The following TMEM184B variants were observed in gnomAD, a reference collection of about 807,000 sequenced individuals.
TMEM184B encodes transmembrane protein 184B, also known as putative MAPK-activating protein FM08.
A neutral mutation model predicts 41.8 loss-of-function variants in TMEM184B; 17 were observed. The observed-to-expected ratio is 0.41, with a 90% CI of 0.28 to 0.61. The LOEUF is 0.61. TMEM184B is among the 20% of genes least tolerant of loss of function. The probability of loss-of-function intolerance (pLI) is 0.34; values close to 1 mark genes in which losing one functional copy is unlikely to be tolerated. For synonymous variants in TMEM184B, 240 were observed against 229.5 expected, an observed-to-expected ratio of 1.05 and a Z score of -0.41; for missense variants, 393 against 557.8, an observed-to-expected ratio of 0.70 and a Z score of 2.98.
At chr22:38,227,618 T>C (rs1602377058) in intron 5 of TMEM184B, among the ~76,000 whole-genome samples, 1 of 152,266 alleles carries the variant, frequency 6.6e-6, no homozygotes, top group East Asian at 1.9e-4. Flanking sequence ...CCAGAGCACG[T>C]GGACTCCAGA....
intron 3 of TMEM184B, 168 bp from the exon 4 acceptor site, chr22:38,231,502 A>G (rs1205429709): frequency 1.4e-6 from 1 of 720,444 alleles, no homozygotes; most frequent in Non-Finnish European, 2.6e-6. Flanking sequence ...GAACACAGAC[A>G]TCTGACCTCC....
At chr22:38,271,994 C>T (rs2092530815) in intron 1 of TMEM184B, among the ~76,000 whole-genome samples, 1 of 152,240 alleles carries the variant, frequency 6.6e-6, no homozygotes, top group African/African-American at 2.4e-5. Context: ...GCACAGATTG[C>T]TGCTTCTTTC....
intron 2 of TMEM184B, chr22:38,246,874 C>A (rs1198793874): frequency 7.7e-7 from 1 of 1,302,916 alleles, no homozygotes; most frequent in South Asian, 1.2e-5. Flanking sequence ...CTTGGCCCAG[C>A]CGAGCCCTGG....
intron 3 of TMEM184B, among the ~76,000 whole-genome samples, chr22:38,237,951 G>A (rs773361595): frequency 4.0e-5 from 6 of 151,032 alleles, no homozygotes; most frequent in Admixed American, 1.3e-4. Flanking sequence ...ACAGGCATGC[G>A]CCACACGCCT....
intron 8 of TMEM184B, chr22:38,221,939 A>T (rs1395152175): frequency 1.3e-5 from 8 of 628,826 alleles, no homozygotes; most frequent in Admixed American, 3.0e-5. Context: ...GAAGAGGAGC[A>T]GACATAAACC....
chr22:38,221,801 A>G (rs940548327), intron 8 of TMEM184B, 91 bp from the exon 9 acceptor site: 2 of 1,523,224 alleles, frequency 1.3e-6, no homozygotes, highest in Non-Finnish European at 1.8e-6. Flanking sequence ...TGGGACAGAC[A>G]CCCCCCAACC....
chr22:38,266,496 G>T lies in TMEM184B; in HGVS notation c.-59+6388C>A, dbSNP rs1485403091. On this transcript the variant is annotated intron_variant, in intron 1 of 8. Coordinates refer to ENST00000361906, the MANE Select transcript of TMEM184B (RefSeq NM_012264.5). The stretch of plus-strand genomic sequence containing the variant: ...ATCCAGTGCCCTGTTCACCACTGCT[G>T]CAACGGTGCCGTCCAGCTAAAAAAA... Among the ~76,000 whole-genome samples, 3 of 152,212 alleles carry T rather than the reference G, an allele frequency of 2.0e-5. No individual in the cohort carries two copies. The East Asian group carries it at 5.8e-4, about 29-fold the overall frequency.
At chr22:38,252,038 G>A (rs926950503) in intron 1 of TMEM184B, among the ~76,000 whole-genome samples, 5 of 151,858 alleles carry the variant, frequency 3.3e-5, no homozygotes, top group African/African-American at 1.2e-4. Flanking sequence ...TGGGACCACA[G>A]GCATGTGCCA....
At chr22:38,245,880 G>C in intron 3 of TMEM184B, 55 bp downstream of exon 3, 1 of 1,470,842 alleles carries the variant, frequency 6.8e-7, no homozygotes, top group Admixed American at 2.0e-5. Context: ...TGGGGACAGG[G>C]GCTCCCAGCC....
At position 38,247,678 on chromosome 22, in the gene TMEM184B, G is replaced by A. The variant is rs531703957; in HGVS notation, c.192+92C>T. On this transcript the variant is annotated intron_variant, in intron 2 of 8. Transcript: ENST00000361906. ...AACAGAGGGCTTACCTACTACTGCAGTGCAGCCTGGCCTAGCCTAGCCTAA... is the reference window on the plus strand; with the variant it reads ...AACAGAGGGCTTACCTACTACTGCAATGCAGCCTGGCCTAGCCTAGCCTAA... The A allele has an allele frequency of 3.4e-6, 5 of 1,456,138 alleles. No homozygotes were observed. The East Asian group carries it at 7.1e-5, about 21-fold the overall frequency. The allele number at this position is 1,456,138 out of a possible 1,614,324, so 90.2% of individuals were successfully genotyped here. A position where few individuals can be genotyped will look rare whatever the true frequency, so the allele number is the denominator to read the frequency against.
chr22:38,254,578 C>T (rs368529696), intron 1 of TMEM184B, among the ~76,000 whole-genome samples: 60 of 151,766 alleles, frequency 4.0e-4, no homozygotes, highest in African/African-American at 1.4e-3. Flanking sequence ...CCAGCCTGGG[C>T]GACAGAGCAA....
At chr22:38,221,805 C>T in intron 8 of TMEM184B, 95 bp from the exon 9 acceptor site, 2 of 1,521,456 alleles carry the variant, frequency 1.3e-6, no homozygotes, top group South Asian at 2.5e-5. Context: ...ACAGACACCC[C>T]CCAACCCAAA....
intron 3 of TMEM184B, among the ~76,000 whole-genome samples, chr22:38,244,546 T>G (rs777180364): frequency 4.0e-5 from 6 of 151,766 alleles, no homozygotes; most frequent in Non-Finnish European, 8.8e-5. Flanking sequence ...AACCTCTGCC[T>G]CCCAGGTTCA....
chr22:38,223,454 C>T (rs2091323347), intron 8 of TMEM184B: 1 of 152,476 alleles, frequency 6.6e-6, no homozygotes, highest in Non-Finnish European at 1.5e-5. Context: ...GGTGGCAACC[C>T]CTGGCCTTTG....
chr22:38,254,562 C>A (rs1357920734), intron 1 of TMEM184B, among the ~76,000 whole-genome samples: 11 of 151,944 alleles, frequency 7.2e-5, no homozygotes, highest in African/African-American at 2.7e-4. Context: ...ATCACACCAC[C>A]GCACTCCAGC....
In TMEM184B at chr22:38,221,437, G is replaced by T; in HGVS notation, c.*32C>A. On this transcript the variant is annotated 3_prime_UTR_variant, in exon 9 of 9. Coordinates refer to ENST00000361906, the MANE Select transcript of TMEM184B (RefSeq NM_012264.5). Reference sequence around the variant, plus strand: ...TGGGGCACAGCCTGACCGTGGCTATGGCGCCAGCACTTCCGCCACTGCAGC... The same window carrying T: ...TGGGGCACAGCCTGACCGTGGCTATTGCGCCAGCACTTCCGCCACTGCAGC... 1 of 1,564,332 alleles carries T rather than the reference G, an allele frequency of 6.4e-7. No individual in the cohort carries two copies. The highest frequency in any genetic ancestry group is 8.7e-7 in the Non-Finnish European group (1 of 1,154,904).
At chr22:38,259,570 C>T (rs921278110) in intron 1 of TMEM184B, among the ~76,000 whole-genome samples, 3 of 152,106 alleles carry the variant, frequency 2.0e-5, no homozygotes, top group Non-Finnish European at 2.9e-5. Context: ...AAAGGCGCCA[C>T]AAGCCACAGA....
At chr22:38,222,101 G>A (rs1363766780) in intron 8 of TMEM184B, 1 of 225,304 alleles carries the variant, frequency 4.4e-6, no homozygotes, top group East Asian at 1.2e-4. Flanking sequence ...TGGAAGCCAG[G>A]GGTGCCCGGT....
chr22:38,249,772 C>T (rs1398579583), intron 1 of TMEM184B, among the ~76,000 whole-genome samples: 1 of 152,192 alleles, frequency 6.6e-6, no homozygotes, highest in Non-Finnish European at 1.5e-5. Flanking sequence ...CCTGGCTGCA[C>T]CCTCTACCCA....
Sources: allele counts gnomAD v4.1 joint callset (sites outside exome capture counted in the v4.1 genomes callset), GRCh38; gene constraint gnomAD v4.1.1; transcripts MANE v1.5; gene names NCBI Gene and HGNC (gene_info 2026-07-23, HGNC 2026-07-21).